Variants in MAGI2 observed in about 807,000 individuals in gnomAD.
MAGI2 encodes the protein membrane-associated guanylate kinase, WW and PDZ domain-containing protein 2.
A neutral mutation model predicts 133.3 loss-of-function variants in MAGI2; 35 were observed. The ratio of observed to expected loss-of-function variants is 0.26; its 90% CI spans 0.20 to 0.35. The LOEUF is 0.35. Ranked by LOEUF, MAGI2 falls within the 10% of genes least tolerant of loss-of-function variation. The probability of loss-of-function intolerance (pLI) is 1.00; values close to 1 mark genes in which losing one functional copy is unlikely to be tolerated. For synonymous variants in MAGI2, 729 were observed against 710.6 expected (o/e 1.03, Z -0.41); for missense variants, 1,636 against 1,863.4 (o/e 0.88, Z 2.25).
chr7:78,607,524 T>A (rs1401817278), intron 3 of MAGI2, among the ~76,000 whole-genome samples: 7 of 150,786 alleles, frequency 4.6e-5, no homozygotes, highest in African/African-American at 1.7e-4. Context: ...AGAGAGTCTC[T>A]GTAAAATGTA....
At chr7:78,675,105 CA>C (rs1311707423) in intron 2 of MAGI2, among the ~76,000 whole-genome samples, 2 of 152,078 alleles carry the variant, frequency 1.3e-5, no homozygotes, top group African/African-American at 2.4e-5. Context: ...ATAGTAGTTA[CA>C]TTCAGTATTG....
chr7:79,267,063 G>T (rs1257599317), intron 1 of MAGI2, among the ~76,000 whole-genome samples: 1 of 152,060 alleles, frequency 6.6e-6, no homozygotes, highest in Non-Finnish European at 1.5e-5. Context: ...CACAGGTATG[G>T]ACCAGACCAA....
intron 2 of MAGI2, among the ~76,000 whole-genome samples, chr7:78,639,866 C>T (rs1297876796): frequency 1.3e-5 from 2 of 152,158 alleles, no homozygotes; most frequent in African/African-American, 4.8e-5. Context: ...AGAAAAGTGA[C>T]TTGTTCAAAT....
chr7:78,600,062 GTCTT>G (rs975897728), intron 3 of MAGI2, among the ~76,000 whole-genome samples: 3 of 152,006 alleles, frequency 2.0e-5, no homozygotes, highest in Admixed American at 6.6e-5. Context: ...TTTGTTCTTG[GTCTT>G]TTTTTCTTAA....
At chr7:78,734,388 T>G (rs1239256692) in intron 2 of MAGI2, among the ~76,000 whole-genome samples, 1 of 152,268 alleles carries the variant, frequency 6.6e-6, no homozygotes, top group South Asian at 2.1e-4. Flanking sequence ...AAGGAACCAC[T>G]GAGAAAGCAG....
At chr7:78,539,221 A>G (rs533744517) in intron 3 of MAGI2, among the ~76,000 whole-genome samples, 3 of 152,338 alleles carry the variant, frequency 2.0e-5, no homozygotes, top group Admixed American at 2.0e-4. Context: ...TTTAATCATA[A>G]AGGGACGCTG....
chr7:78,950,890 C>G (rs2363926), intron 2 of MAGI2, among the ~76,000 whole-genome samples: 140,438 of 151,814 alleles, frequency 0.93, 64,957 homozygotes, highest in East Asian at 1. Context: ...GTGAGTGACC[C>G]TATAAAGTTA....
chr7:78,078,631 C>T, intron 21 of MAGI2: 1 of 476,942 alleles, frequency 2.1e-6, no homozygotes, highest in Non-Finnish European at 3.6e-6. Flanking sequence ...CAAATTGTAA[C>T]AGTTCTAATA....
At position 78,410,872 on chromosome 7, in the gene MAGI2, C is replaced by T. The variant is rs559571944; in HGVS notation, c.1046-41659G>A. On this transcript the variant is annotated intron_variant, in intron 6 of 21. Transcript: ENST00000354212. ...AAAAAGGGAATATAATATATATAAA[C>T]CTTCATAATTGCTCGGGAGCTAATT... 3.9e-5 allele frequency among the ~76,000 whole-genome samples: 6 copies of T among 152,036 alleles called. No homozygotes were observed. The East Asian group carries it at 1.2e-3, about 29-fold the overall frequency.
intron 20 of MAGI2, among the ~76,000 whole-genome samples, chr7:78,094,449 T>G (rs976570685): frequency 6.6e-6 from 1 of 152,188 alleles, no homozygotes; most frequent in Non-Finnish European, 1.5e-5. Flanking sequence ...GCATTGTCCC[T>G]GTACAATCTT....
At chr7:78,181,815 G>A (rs1230788998) in intron 13 of MAGI2, among the ~76,000 whole-genome samples, 1 of 152,190 alleles carries the variant, frequency 6.6e-6, no homozygotes, top group Non-Finnish European at 1.5e-5. Context: ...ATAAAGAAAA[G>A]CAGATTTCAA....
chr7:78,987,348 AACG>A (rs1467354024), intron 2 of MAGI2, among the ~76,000 whole-genome samples: 1 of 152,100 alleles, frequency 6.6e-6, no homozygotes, highest in Non-Finnish European at 1.5e-5. Context: ...ATGTTAATTT[AACG>A]ACATTAATGC....
At chr7:78,908,347 G>T (rs1798137857) in intron 2 of MAGI2, among the ~76,000 whole-genome samples, 1 of 152,186 alleles carries the variant, frequency 6.6e-6, no homozygotes, top group African/African-American at 2.4e-5. Context: ...GCATTTCATG[G>T]AATTGTCTCT....
intron 1 of MAGI2, among the ~76,000 whole-genome samples, chr7:79,425,679 T>C (rs900971082): frequency 2.6e-5 from 4 of 151,660 alleles, no homozygotes; most frequent in African/African-American, 7.3e-5. Flanking sequence ...TTCTCAGTTA[T>C]GTGACTGAAA....
At chr7:78,848,726 A>G (rs1330630375) in intron 2 of MAGI2, among the ~76,000 whole-genome samples, 4 of 151,928 alleles carry the variant, frequency 2.6e-5, no homozygotes, top group Non-Finnish European at 5.9e-5. Flanking sequence ...CTCTAGTTTC[A>G]AGGCTATTTT....
At chr7:78,337,319 T>A (rs1363471489) in intron 9 of MAGI2, among the ~76,000 whole-genome samples, 1 of 152,200 alleles carries the variant, frequency 6.6e-6, no homozygotes, top group East Asian at 1.9e-4. Flanking sequence ...GCTCAGTGAT[T>A]GTCAATAAGC....
At chr7:78,703,813 C>T (rs1053721106) in intron 2 of MAGI2, among the ~76,000 whole-genome samples, 3 of 109,100 alleles carry the variant, frequency 2.7e-5, no homozygotes, top group African/African-American at 1.0e-4. Flanking sequence ...ATTCAAGATA[C>T]ACACACACAT....
At chr7:78,401,124 G>A (rs1004809055) in intron 6 of MAGI2, among the ~76,000 whole-genome samples, 1 of 151,644 alleles carries the variant, frequency 6.6e-6, no homozygotes, top group African/African-American at 2.4e-5. Context: ...AAACCCGAGG[G>A]TGCTTTTAGT....
At chr7:78,991,449 T>G (rs2116333993) in intron 2 of MAGI2, among the ~76,000 whole-genome samples, 1 of 152,060 alleles carries the variant, frequency 6.6e-6, no homozygotes, top group East Asian at 1.9e-4. Context: ...TATGCTTAAA[T>G]ATACATTATA....
Sources: allele counts gnomAD v4.1 joint callset (sites outside exome capture counted in the v4.1 genomes callset), GRCh38; gene constraint gnomAD v4.1.1; transcripts MANE v1.5; gene names NCBI Gene and HGNC (gene_info 2026-07-23, HGNC 2026-07-21).